The following ELSPBP1 variants were observed in gnomAD, a reference collection of about 807,000 sequenced individuals.
ELSPBP1 encodes epididymal sperm-binding protein 1.
In ELSPBP1, 38 loss-of-function variants were observed where a neutral mutation model predicts 33.3. The ratio of observed to expected loss-of-function variants is 1.14; its 90% confidence interval spans 0.88 to 1.50. ELSPBP1 has a LOEUF of 1.50. ELSPBP1 is among the 40% of genes most tolerant of loss of function. The probability of loss-of-function intolerance (pLI) is 0.00; values close to 1 mark genes in which losing one functional copy is unlikely to be tolerated. For synonymous variants in ELSPBP1, 85 were observed against 94.1 expected, an observed-to-expected ratio of 0.90 and a Z score of 0.56; for missense variants, 267 against 263.5, an observed-to-expected ratio of 1.01 and a Z score of -0.09.
rs187081785 is a variant in ELSPBP1, at chr19:48,003,871, C to T, written c.-17-4780C>T. Among the ~76,000 whole-genome samples the T allele has an allele frequency of 9.3e-5, 14 of 150,616 alleles. No homozygotes were observed. The East Asian group carries it at 2.4e-3, about 26-fold the overall frequency. On this transcript the variant is annotated intron_variant, in intron 1 of 6. Transcript: ENST00000339841. ...CACTCCTCCTCACTTTAACCCCTCC[C>T]GTGGCTTCTGGTTGCTTCTATTCTA...
At chr19:48,000,487 C>T (rs191874550) in intron 1 of ELSPBP1, among the ~76,000 whole-genome samples, 3 of 152,264 alleles carry the variant, frequency 2.0e-5, no homozygotes, top group Non-Finnish European at 4.4e-5. Flanking sequence ...GATTCGCCCT[C>T]CTCGGCCTCC....
chr19:48,013,826 G>A (rs780671256), intron 2 of ELSPBP1, among the ~76,000 whole-genome samples: 5 of 152,074 alleles, frequency 3.3e-5, no homozygotes, highest in Admixed American at 6.5e-5. Flanking sequence ...AAGTCCAAGG[G>A]CAAGTCACCA....
intron 2 of ELSPBP1, among the ~76,000 whole-genome samples, chr19:48,010,720 C>T (rs1366975478): frequency 7.9e-5 from 12 of 151,828 alleles, no homozygotes; most frequent in Non-Finnish European, 1.2e-4. Flanking sequence ...ATCTCAAAGA[C>T]GAGAAAGAAC....
At position 48,004,753 on chromosome 19, in the gene ELSPBP1, T is replaced by C. The variant is rs193147540; in HGVS notation, c.-17-3898T>C. ...ATTTGTTTCTGGTTTCTTCGCTTCA[T>C]ATCTGTCTCCTTGGTTGACTCTCAG... On this transcript the variant is annotated intron_variant, in intron 1 of 6. Transcript: ENST00000339841. Among the ~76,000 whole-genome samples, 5 of 152,358 alleles carry C rather than the reference T, an allele frequency of 3.3e-5. No homozygotes were observed. The East Asian group carries it at 9.6e-4, about 29-fold the overall frequency.
intron 1 of ELSPBP1, among the ~76,000 whole-genome samples, chr19:47,995,731 A>G (rs969805152): frequency 1.3e-5 from 2 of 152,204 alleles, no homozygotes; most frequent in Non-Finnish European, 1.5e-5. Flanking sequence ...GCCTGTAATT[A>G]TTCACAATGG....
At chr19:47,998,814 T>TCCAA (rs1291017818) in intron 1 of ELSPBP1, among the ~76,000 whole-genome samples, 1 of 142,232 alleles carries the variant, frequency 7.0e-6, no homozygotes, top group Non-Finnish European at 1.5e-5. Context: ...AAATGCAGAG[T>TCCAA]CCAACCTTTT....
intron 6 of ELSPBP1, among the ~76,000 whole-genome samples, chr19:48,023,236 G>GGA (rs1967222215): frequency 7.7e-6 from 1 of 130,698 alleles, no homozygotes; most frequent in African/African-American, 3.0e-5. Flanking sequence ...AGGGAAGGAA[G>GGA]AAAGAGGAAA....
chr19:48,016,745 C>A (rs567732558), intron 4 of ELSPBP1, among the ~76,000 whole-genome samples: 1 of 151,704 alleles, frequency 6.6e-6, no homozygotes, highest in Admixed American at 6.6e-5. Flanking sequence ...ATTGCAGGCG[C>A]CCACCACCAC....
chr19:48,014,271 C>A lies in ELSPBP1; in HGVS notation c.171C>A (p.Ala57=), dbSNP rs147073337. 6.2e-7 allele frequency: 1 copy of A among 1,613,996 alleles called. No individual in the cohort carries two copies. Among genetic ancestry groups the A allele is most frequent in the Non-Finnish European group, 8.5e-7 (1 of 1,179,970 alleles). The change falls in exon 3 of 7, where the codon GCC becomes GCA. Residue 57 remains alanine (A), a synonymous_variant. Transcript: ENST00000339841. ...TATCCCCTTGGTGTGCCACCAGAGC[C>A]GTGTACAACGGCCAGTGGAAGTACT... ...HSLSPWCATR[A]VYNGQWKYCQ...
intron 2 of ELSPBP1, among the ~76,000 whole-genome samples, chr19:48,012,987 C>T (rs1349186293): frequency 6.6e-6 from 1 of 152,140 alleles, no homozygotes; most frequent in Non-Finnish European, 1.5e-5. Context: ...GCTCCCCACC[C>T]CCCTCTCTTT....
At chr19:48,001,998 G>A (rs1011047824) in intron 1 of ELSPBP1, among the ~76,000 whole-genome samples, 2 of 152,030 alleles carry the variant, frequency 1.3e-5, no homozygotes, top group African/African-American at 2.4e-5. Flanking sequence ...TGACTGGCCC[G>A]CAAAATCCAC....
At chr19:48,020,254 C>A (rs544800788) in intron 5 of ELSPBP1, among the ~76,000 whole-genome samples, 1 of 152,248 alleles carries the variant, frequency 6.6e-6, no homozygotes, top group Admixed American at 6.5e-5. Context: ...GAGGTTGAGG[C>A]TGCAGTGAGC....
At chr19:48,017,510 C>T (rs952400622) in intron 4 of ELSPBP1, among the ~76,000 whole-genome samples, 1 of 152,116 alleles carries the variant, frequency 6.6e-6, no homozygotes, top group Admixed American at 6.6e-5. Context: ...TTAATAAATA[C>T]ATTAATAATA....
chr19:48,017,447 CTCCATT>C (rs1967154116), intron 4 of ELSPBP1, among the ~76,000 whole-genome samples: 1 of 152,208 alleles, frequency 6.6e-6, no homozygotes, highest in South Asian at 2.1e-4. Context: ...CCAACTCTTT[CTCCATT>C]TCCATTCCTA....
chr19:48,010,832 T>C (rs1020990225), intron 2 of ELSPBP1, among the ~76,000 whole-genome samples: 1 of 152,178 alleles, frequency 6.6e-6, no homozygotes, highest in African/African-American at 2.4e-5. Flanking sequence ...GATTAGGCCA[T>C]CTGCTGGATT....
intron 2 of ELSPBP1, 118 bp from the exon 3 acceptor site, chr19:48,014,053 G>A (rs80305265): frequency 0.056 from 65,192 of 1,172,800 alleles, 1,977 homozygotes; most frequent in Middle Eastern, 0.12. Flanking sequence ...TGAATTTTGC[G>A]GCGGGGGCAG....
Position 47,995,280 on chromosome 19 carries a change from A to T in ELSPBP1, c.-18+469A>T, listed in dbSNP as rs1757894857. 2.0e-5 allele frequency among the ~76,000 whole-genome samples: 3 copies of T among 152,204 alleles called. No homozygotes were observed. In the South Asian group the frequency reaches 6.2e-4, roughly 32 times the overall value. ...CCTTTCTCTGTTAATAAACTCAAAG[A>T]AATGGGTTAAACCAGATTCTATGAA... On this transcript the variant is annotated intron_variant, in intron 1 of 6. Transcript: ENST00000339841.
Position 47,994,749 on chromosome 19 carries a change from T to G in ELSPBP1, c.-80T>G, listed in dbSNP as rs1204940858. 6.6e-6 allele frequency: 1 copy of G among 152,184 alleles called. No individual in the cohort carries two copies. The highest frequency in any genetic ancestry group is 1.5e-5 in the Non-Finnish European group (1 of 68,042). The allele number at this position is 152,184 out of a possible 1,614,324, so 9.4% of individuals were successfully genotyped here. ...CAATCCCCAGATAATCCAGAGCTCT[T>G]GGGAGCAGAACCTTAAAGAGAGATC... On this transcript the variant is annotated 5_prime_UTR_variant, in exon 1 of 7. Transcript: ENST00000339841.
chr19:48,021,172 A>G (rs1417135768), intron 5 of ELSPBP1, among the ~76,000 whole-genome samples: 1 of 152,148 alleles, frequency 6.6e-6, no homozygotes, highest in East Asian at 1.9e-4. Context: ...CAGAAAATTG[A>G]TACTTGTGGT....
Sources: gnomAD v4.1 joint callset for allele counts (sites outside exome capture counted in the v4.1 genomes callset) on GRCh38, gnomAD v4.1.1 for gene constraint, MANE v1.5 for transcripts, NCBI Gene and HGNC (gene_info 2026-07-23, HGNC 2026-07-21) for gene names.